SMTNL2: variants seen among roughly 807,000 people sequenced by gnomAD.
The protein encoded by SMTNL2 is smoothelin like 2.
Under a neutral mutation model 44.1 loss-of-function variants are expected in SMTNL2, and 43 were observed. The observed-to-expected ratio is 0.98, with a 90% confidence interval of 0.76 to 1.26. The LOEUF (loss-of-function observed/expected upper bound fraction) is 1.26. SMTNL2 is among the 50% of genes most tolerant of loss of function. The pLI is 0.00. For synonymous variants in SMTNL2, 317 were observed against 287.6 expected (o/e 1.10, Z -1.03); for missense variants, 646 against 670.2 (o/e 0.96, Z 0.40).
intron 1 of SMTNL2, among the ~76,000 whole-genome samples, chr17:4,589,759 C>T (rs1016906569): frequency 1.3e-5 from 2 of 151,994 alleles, no homozygotes; most frequent in Admixed American, 6.6e-5. Flanking sequence ...AAAGTTACTG[C>T]GCTGTCTTCA....
chr17:4,584,946 G>A lies in SMTNL2; in HGVS notation c.341G>A (p.Arg114His), dbSNP rs1355426429. Residue 114 changes from arginine (R) to histidine (H), a missense_variant, in exon 1 of 8, where the codon CGC becomes CAC. By Grantham distance (29) the Arg-to-His change is conservative. Coordinates refer to ENST00000389313, the MANE Select transcript of SMTNL2 (RefSeq NM_001114974.2). ...CCCGGGGTTCCCGACCGCGCGCCCC[G>A]CCTGGGCAGCGCACGCTTCGCCAGC... ...PAPGVPDRAP[R>H]LGSARFASHA... is the part of the protein sequence containing the mutation. The A allele has an allele frequency of 7.4e-7, 1 of 1,346,020 alleles. No homozygotes were observed. The allele number at this position is 1,346,020 out of a possible 1,614,324, so 83.4% of individuals were successfully genotyped here.
In SMTNL2 at chr17:4,592,226, T is replaced by A; in HGVS notation, c.400-135T>A. On this transcript the variant is annotated intron_variant, in intron 1 of 7. Coordinates refer to ENST00000389313, the MANE Select transcript of SMTNL2 (RefSeq NM_001114974.2). The surrounding 1 kb of genome is among the most constrained non-coding windows in gnomAD (Gnocchi z 4.5). ...TGCTGTGTGACTTGGCCCGTCACTT[T>A]CTTCCTGGGGGCTGTTTTCTCTCAA... 1 of 830,492 alleles carries A rather than the reference T, an allele frequency of 1.2e-6. No individual in the cohort carries two copies. Among genetic ancestry groups the A allele is most frequent in the Non-Finnish European group, 1.9e-6 (1 of 513,328 alleles). 51.4% of individuals were successfully genotyped at this position (830,492 alleles called of 1,614,324 possible). A position where few individuals can be genotyped will look rare whatever the true frequency, so the allele number is the denominator to read the frequency against.
Position 4,593,043 on chromosome 17 carries a change from C to A in SMTNL2, c.602C>A (p.Thr201Asn). The change falls in exon 3 of 8, where the codon ACC becomes AAC. Residue 201 changes from threonine (T) to asparagine (N), a missense_variant. Transcript: ENST00000389313. Reference protein sequence around the residue: ...RLPHQPVTAITRVSDRFSGET... With the variant: ...RLPHQPVTAINRVSDRFSGET... ...CCCCACCAGCCAGTCACGGCCATCA[C>A]CCGAGTCTCTGACAGGTTCTCTGGG... The A allele has an allele frequency of 3.1e-6, 5 of 1,614,088 alleles. No homozygotes were observed. In the South Asian group the frequency reaches 5.5e-5, roughly 18 times the overall value.
chr17:4,585,056 G>C (rs1008453805), intron 1 of SMTNL2, 52 bp downstream of exon 1: 1 of 1,288,326 alleles, frequency 7.8e-7, no homozygotes, highest in African/African-American at 1.6e-5. Context: ...GCTCCGAACC[G>C]GGTGCCGCCC....
chr17:4,606,800 C>T (rs1910295233), intron 7 of SMTNL2, among the ~76,000 whole-genome samples: 1 of 152,052 alleles, frequency 6.6e-6, no homozygotes, highest in South Asian at 2.1e-4. Flanking sequence ...ATCCCAGCTA[C>T]TCGGGAGGCT....
intron 1 of SMTNL2, among the ~76,000 whole-genome samples, chr17:4,587,650 G>A (rs1204711575): frequency 6.6e-6 from 1 of 152,210 alleles, no homozygotes; most frequent in Non-Finnish European, 1.5e-5. Context: ...AGGGATGGCT[G>A]TACTACCTGG....
At chr17:4,589,041 T>A (rs949594178) in intron 1 of SMTNL2, among the ~76,000 whole-genome samples, 1 of 152,080 alleles carries the variant, frequency 6.6e-6, no homozygotes, top group African/African-American at 2.4e-5. Context: ...GCAGGGGAGC[T>A]TGGGAGTCTG....
In SMTNL2 at chr17:4,596,914, C is replaced by T. The variant is rs1909840494; in HGVS notation, c.1044C>T (p.Ala348=). 1.3e-6 allele frequency: 2 copies of T among 1,523,568 alleles called. No homozygotes were observed. Among genetic ancestry groups the T allele is most frequent in the African/African-American group, 1.4e-5 (1 of 72,600 alleles). 94.4% of individuals were successfully genotyped at this position (1,523,568 alleles called of 1,614,324 possible). ...AGCGGTCGCAGAGCTTCGGCGTGGCCAGCGCCAGCAGCATCAAGCAGATCC... is the reference window on the plus strand; with the variant it reads ...AGCGGTCGCAGAGCTTCGGCGTGGCTAGCGCCAGCAGCATCAAGCAGATCC... The part of the protein sequence containing the change: ...RLKRSQSFGV[A]SASSIKQILL... The change falls in exon 6 of 8, where the codon GCC becomes GCT. Residue 348 remains alanine, a synonymous_variant. Transcript: ENST00000389313.
Position 4,593,083 on chromosome 17 carries a change from G to A in SMTNL2, c.642G>A (p.Ala214=), listed in dbSNP as rs147814159. The change falls in exon 3 of 8, where the codon GCG becomes GCA. Residue 214 remains alanine (A), a synonymous_variant. Transcript: ENST00000389313. ...SDRFSGETSA[A]ALSPMSAATL... is the part of the protein sequence containing the mutation. ...GGTTCTCTGGGGAGACCTCAGCTGC[G>A]GCTCTATCACCCATGTCTGCTGCCA... 45 of 1,613,940 alleles carry A rather than the reference G, an allele frequency of 2.8e-5. 1 individual carries two copies. The highest frequency in any genetic ancestry group is 1.7e-4 in the African/African-American group (13 of 75,040).
rs575143635 is a variant in SMTNL2 at position 4,595,127 on chromosome 17, C to A, written c.807-18C>A. 2 of 1,613,002 alleles carry A rather than the reference C, an allele frequency of 1.2e-6. No homozygotes were observed. Among genetic ancestry groups the A allele is most frequent in the Admixed American group, 3.3e-5 (2 of 60,028 alleles). On this transcript the variant is annotated intron_variant, in intron 4 of 7. Coordinates refer to ENST00000389313, the MANE Select transcript of SMTNL2 (RefSeq NM_001114974.2). This position sits in a 1 kb window ranked among gnomAD's most constrained non-coding sequence, Gnocchi z 5.1. Reference sequence around the variant, plus strand: ...TGGCTGCTGGGCCCAGGTCCCAACTCGGCGATTCTTTCCTCAGCCCACCGC... The same window carrying A: ...TGGCTGCTGGGCCCAGGTCCCAACTAGGCGATTCTTTCCTCAGCCCACCGC...
upstream of SMTNL2, chr17:4,584,221 G>A (rs538681668): frequency 5.8e-6 from 1 of 173,290 alleles, no homozygotes; most frequent in South Asian, 2.0e-4. Flanking sequence ...GGAGGAACCT[G>A]GGCCTTGCGG....
At chr17:4,591,429 C>T (rs1272582881) in intron 1 of SMTNL2, among the ~76,000 whole-genome samples, 1 of 152,198 alleles carries the variant, frequency 6.6e-6, no homozygotes, top group Non-Finnish European at 1.5e-5. Flanking sequence ...TTGAGGACTT[C>T]TCCCCTGGCC....
chr17:4,605,154 T>G (rs12940225), intron 7 of SMTNL2, among the ~76,000 whole-genome samples: 2 of 58,704 alleles, frequency 3.4e-5, no homozygotes, highest in East Asian at 4.1e-4. Flanking sequence ...TTTTGTTTGG[T>G]TTTTTTTTTT....
rs143307437 is a variant in SMTNL2 at position 4,598,082 on chromosome 17, G to A, written c.1259+759G>A. Among the ~76,000 whole-genome samples, 3 of 152,188 alleles carry A rather than the reference G, an allele frequency of 2.0e-5. No homozygotes were observed. Among genetic ancestry groups the A allele is most frequent in the Admixed American group, 1.3e-4 (2 of 15,286 alleles). On this transcript the variant is annotated intron_variant, in intron 7 of 7. Coordinates refer to ENST00000389313, the MANE Select transcript of SMTNL2 (RefSeq NM_001114974.2). This position sits in a 1 kb window ranked among gnomAD's most constrained non-coding sequence, Gnocchi z 4.8. ...GGGTCAGGCCTCATGCAGCAGCCTC[G>A]GGATAACAGCAGTGTGGCGGATCTC...
intron 7 of SMTNL2, among the ~76,000 whole-genome samples, chr17:4,603,789 C>T (rs961900134): frequency 2.0e-5 from 3 of 152,112 alleles, no homozygotes; most frequent in Non-Finnish European, 4.4e-5. Context: ...ATGAAATGAT[C>T]GCTCAGGAAG....
At chr17:4,603,759 T>A (rs1301375657) in intron 7 of SMTNL2, among the ~76,000 whole-genome samples, 1 of 152,066 alleles carries the variant, frequency 6.6e-6, no homozygotes, top group Non-Finnish European at 1.5e-5. Context: ...GTGTGGCAGG[T>A]GGAAAGGAGG....
At chr17:4,604,939 G>A (rs927361654) in intron 7 of SMTNL2, among the ~76,000 whole-genome samples, 6 of 152,084 alleles carry the variant, frequency 3.9e-5, no homozygotes, top group African/African-American at 1.2e-4. Context: ...CTAAAGTGCC[G>A]GGATTACAGG....
In SMTNL2 at chr17:4,595,140, C is replaced by G; in HGVS notation, c.807-5C>G. 1 of 1,613,118 alleles carries G rather than the reference C, an allele frequency of 6.2e-7. No individual in the cohort carries two copies. Among genetic ancestry groups the G allele is most frequent in the East Asian group, 2.2e-5 (1 of 44,866 alleles). On this transcript the variant is annotated splice_polypyrimidine_tract_variant and splice_region_variant and intron_variant, in intron 4 of 7. Transcript: ENST00000389313. This position sits in a 1 kb window ranked among gnomAD's most constrained non-coding sequence, Gnocchi z 5.1. ...CAGGTCCCAACTCGGCGATTCTTTC[C>G]TCAGCCCACCGCTGGTGACACCACC... is the stretch of plus-strand genomic sequence containing the variant.
intron 7 of SMTNL2, among the ~76,000 whole-genome samples, chr17:4,603,248 G>A (rs1403901899): frequency 6.6e-6 from 1 of 152,206 alleles, no homozygotes; most frequent in East Asian, 1.9e-4. Context: ...GTTCGGAGAG[G>A]TGGGTCCTGG....
Sources: allele counts gnomAD v4.1 joint callset (sites outside exome capture counted in the v4.1 genomes callset), GRCh38; gene constraint gnomAD v4.1.1; non-coding constraint Gnocchi (gnomAD v3.1); transcripts MANE v1.5; gene names NCBI Gene and HGNC (gene_info 2026-07-23, HGNC 2026-07-21).